Variants in KLB observed in about 807,000 individuals in gnomAD.
The protein encoded by KLB is klotho beta.
A neutral mutation model predicts 88.4 loss-of-function variants in KLB; 44 were observed. The ratio of observed to expected loss-of-function variants is 0.50; its 90% confidence interval spans 0.39 to 0.64. KLB has a LOEUF of 0.64. Among genes scored for constraint, KLB ranks in the 30% least tolerant of loss-of-function variants. The pLI is 0.00. For synonymous variants in KLB, 548 were observed against 513.4 expected (o/e 1.07, Z -0.91); for missense variants, 1,137 against 1,304.8 (o/e 0.87, Z 1.98).
chr4:39,409,216 G>C (rs190006832), intron 1 of KLB, among the ~76,000 whole-genome samples: 1 of 151,776 alleles, frequency 6.6e-6, no homozygotes, highest in African/African-American at 2.4e-5. Context: ...GGTAGAAATT[G>C]TATAGGTATT....
intron 1 of KLB, among the ~76,000 whole-genome samples, chr4:39,433,616 T>C (rs1469429080): frequency 1.3e-5 from 2 of 152,082 alleles, no homozygotes; most frequent in Non-Finnish European, 1.5e-5. Context: ...TCCCAACACT[T>C]TGGGAGGCCG....
chr4:39,443,682 A>C lies in KLB; in HGVS notation c.1606-2650A>C, dbSNP rs1219324424. Among the ~76,000 whole-genome samples, 3 of 149,264 alleles carry C rather than the reference A, an allele frequency of 2.0e-5. No individual in the cohort carries two copies. In the East Asian group the frequency reaches 5.9e-4, roughly 29 times the overall value. ...AGGCGGAGGCAGAAGAATCACTTGA[A>C]CCTCAGAGACGGAGGTTGCAGTGAG... On this transcript the variant is annotated intron_variant, in intron 3 of 4. Transcript: ENST00000257408.
chr4:39,419,081 A>G (rs1185582066), intron 1 of KLB, among the ~76,000 whole-genome samples: 2 of 152,162 alleles, frequency 1.3e-5, no homozygotes, highest in Admixed American at 6.5e-5. Context: ...TTCTATAACC[A>G]GAATACCACT....
chr4:39,424,571 C>G (rs1327686767), intron 1 of KLB, among the ~76,000 whole-genome samples: 1 of 151,676 alleles, frequency 6.6e-6, no homozygotes, highest in Non-Finnish European at 1.5e-5. Context: ...GCTGCAGGCT[C>G]TACACGTGAT....
chr4:39,431,091 A>ATT (rs35397824), intron 1 of KLB, among the ~76,000 whole-genome samples: 4 of 114,688 alleles, frequency 3.5e-5, no homozygotes, highest in African/African-American at 6.3e-5. Context: ...TAATTTTTGT[A>ATT]TTTTTTTTTT....
In KLB at chr4:39,407,368, C is replaced by A; in HGVS notation, c.419C>A (p.Ala140Asp). The change falls in exon 1 of 5, where the codon GCC becomes GAC. Residue 140 changes from alanine to aspartate, a missense_variant. Around this residue, in one of 4 missense-constraint regions of KLB, gnomAD observed 597 missense variants for 765.2 expected, o/e 0.78. Transcript: ENST00000257408. ...SYIFLEKDLS[A>D]LDFIGVSFYQ... is the part of the protein sequence containing the mutation. ...ATTTTTCTGGAAAAAGACTTATCAG[C>A]CCTGGATTTTATAGGAGTTTCTTTT... 1 of 1,614,004 alleles carries A rather than the reference C, an allele frequency of 6.2e-7. No homozygotes were observed. Among genetic ancestry groups the A allele is most frequent in the Non-Finnish European group, 8.5e-7 (1 of 1,179,978 alleles).
At chr4:39,429,319 T>G (rs1743287702) in intron 1 of KLB, among the ~76,000 whole-genome samples, 1 of 152,220 alleles carries the variant, frequency 6.6e-6, no homozygotes, top group Non-Finnish European at 1.5e-5. Context: ...TCCAACAGTG[T>G]CCTGTCATGT....
intron 1 of KLB, among the ~76,000 whole-genome samples, chr4:39,413,521 G>A (rs1455155196): frequency 2.0e-5 from 3 of 151,920 alleles, no homozygotes; most frequent in Non-Finnish European, 4.4e-5. Flanking sequence ...ACTAACCTGA[G>A]CAACATAGTT....
Position 39,407,567 on chromosome 4 carries a change from T to TG in KLB, c.624dup (p.Trp209ValfsTer4), listed in dbSNP as rs1208385508. On this transcript the variant is annotated frameshift_variant, in exon 1 of 5. Coordinates refer to ENST00000257408, the MANE Select transcript of KLB (RefSeq NM_175737.4). LOFTEE classifies it high-confidence loss of function. ...TGCCTTTGGCACTACAAGAAAAATA[T>TG]GGGGGGTGGAAAAATGATACCATAA... 2 of 1,613,894 alleles carry TG rather than the reference T, an allele frequency of 1.2e-6. No homozygotes were observed. The highest frequency in any genetic ancestry group is 1.7e-6 in the Non-Finnish European group (2 of 1,179,902).
intron 1 of KLB, among the ~76,000 whole-genome samples, chr4:39,430,048 G>A (rs752285903): frequency 2.6e-5 from 4 of 152,228 alleles, no homozygotes; most frequent in Non-Finnish European, 5.9e-5. Flanking sequence ...TGCATGGAAA[G>A]CTACTGCAAA....
At chr4:39,423,134 G>C (rs1188240484) in intron 1 of KLB, among the ~76,000 whole-genome samples, 1 of 151,878 alleles carries the variant, frequency 6.6e-6, no homozygotes, top group Non-Finnish European at 1.5e-5. Context: ...CACAGGGGTG[G>C]TCCCTGAGGG....
intron 4 of KLB, 33 bp downstream of exon 4, chr4:39,447,508 A>G (rs1743784088): frequency 1.3e-6 from 2 of 1,492,282 alleles, no homozygotes; most frequent in Non-Finnish European, 9.0e-7. Context: ...CACAGGGCAG[A>G]GCGAGATTCC....
At chr4:39,419,313 T>C (rs1743028921) in intron 1 of KLB, among the ~76,000 whole-genome samples, 1 of 152,166 alleles carries the variant, frequency 6.6e-6, no homozygotes, top group Non-Finnish European at 1.5e-5. Flanking sequence ...CTCTCATACA[T>C]GGAAAATCAG....
intron 1 of KLB, among the ~76,000 whole-genome samples, chr4:39,428,300 T>C (rs1403528143): frequency 6.6e-6 from 1 of 151,886 alleles, no homozygotes; most frequent in Non-Finnish European, 1.5e-5. Flanking sequence ...TGGTGATGGG[T>C]GCCTGTAATC....
chr4:39,427,326 T>C lies in KLB; in HGVS notation c.826-6884T>C, dbSNP rs367968321. On this transcript the variant is annotated intron_variant, in intron 1 of 4. Coordinates refer to ENST00000257408, the MANE Select transcript of KLB (RefSeq NM_175737.4). Reference sequence around the variant, plus strand: ...GGTGAAACCCTGTCTCTACTAAAAATACAAAAATTAGCTGGGCGTGGTGGC... The same window carrying C: ...GGTGAAACCCTGTCTCTACTAAAAACACAAAAATTAGCTGGGCGTGGTGGC... Among the ~76,000 whole-genome samples the C allele has an allele frequency of 9.2e-5, 14 of 151,898 alleles. 1 individual carries two copies. Among genetic ancestry groups the C allele is most frequent in the African/African-American group, 3.4e-4 (14 of 41,408 alleles).
At chr4:39,409,997 C>T (rs915910094) in intron 1 of KLB, among the ~76,000 whole-genome samples, 1 of 152,130 alleles carries the variant, frequency 6.6e-6, no homozygotes, top group Non-Finnish European at 1.5e-5. Context: ...AATCCCTCTC[C>T]CTCTCTTCAC....
At position 39,448,932 on chromosome 4, in the gene KLB, CATTGCTTCTTAA is replaced by C. The variant is rs1743825717; in HGVS notation, c.*248_*259del. On this transcript the variant is annotated 3_prime_UTR_variant, in exon 5 of 5. Coordinates refer to ENST00000257408, the MANE Select transcript of KLB (RefSeq NM_175737.4). ...AGTAAGCTATGAGGATTACATGCTACATTGCTTCTTAAAGTTTCATCAACTGTATTCCATCAT... is the reference window on the plus strand; with the variant it reads ...AGTAAGCTATGAGGATTACATGCTACAGTTTCATCAACTGTATTCCATCAT... The C allele has an allele frequency of 1.9e-5, 8 of 421,304 alleles. No individual in the cohort carries two copies. The East Asian group carries it at 2.6e-4, about 14-fold the overall frequency. 26.1% of individuals were successfully genotyped at this position (421,304 alleles called of 1,614,324 possible).
chr4:39,428,832 C>T (rs1454587970), intron 1 of KLB, among the ~76,000 whole-genome samples: 1 of 152,214 alleles, frequency 6.6e-6, no homozygotes, highest in South Asian at 2.1e-4. Flanking sequence ...CTCAGCCTCC[C>T]GAGTAGCTGG....
Position 39,446,958 on chromosome 4 carries a change from G to A in KLB, c.2232G>A (p.Ala744=). The A allele has an allele frequency of 6.2e-7, 1 of 1,606,186 alleles. No homozygotes were observed. The highest frequency in any genetic ancestry group is 8.5e-7 in the Non-Finnish European group (1 of 1,179,268). Reference sequence around the variant, plus strand: ...GGGCCGTGTCGCTGTCGCTGCACGCGGACTGGGCGGAACCCGCCAACCCCT... The same window carrying A: ...GGGCCGTGTCGCTGTCGCTGCACGCAGACTGGGCGGAACCCGCCAACCCCT... The part of the protein sequence containing the change: ...QRGAVSLSLH[A]DWAEPANPYA... Residue 744 remains alanine, a synonymous_variant, in exon 4 of 5, where the codon GCG becomes GCA. Transcript: ENST00000257408. The surrounding 1 kb of genome is among the most constrained non-coding windows in gnomAD (Gnocchi z 6.4).
Sources: gnomAD v4.1 joint callset for allele counts (sites outside exome capture counted in the v4.1 genomes callset) on GRCh38, gnomAD v4.1.1 for gene constraint, gnomAD v4.1.1 regional missense constraint, Gnocchi (gnomAD v3.1) non-coding constraint, MANE v1.5 for transcripts, NCBI Gene and HGNC (gene_info 2026-07-23, HGNC 2026-07-21) for gene names.